Variants in CCDC30 observed in about 807,000 individuals in gnomAD.
CCDC30 encodes the protein coiled-coil domain-containing protein 30.
Under a neutral mutation model 100.2 loss-of-function variants are expected in CCDC30, and 70 were observed. The observed-to-expected ratio is 0.70, with a 90% CI of 0.58 to 0.85. The LOEUF (loss-of-function observed/expected upper bound fraction) is 0.85. CCDC30 is among the 40% of genes least tolerant of loss of function. The pLI is 0.00. For synonymous variants in CCDC30, 233 were observed against 269.5 expected, an observed-to-expected ratio of 0.86 and a Z score of 1.33; for missense variants, 652 against 771.2, an observed-to-expected ratio of 0.85 and a Z score of 1.83.
chr1:42,497,249 G>A (rs775692240), intron 5 of CCDC30, 36 bp downstream of exon 5: 5 of 1,134,794 alleles, frequency 4.4e-6, no homozygotes, highest in Non-Finnish European at 5.6e-6. Context: ...GTATTTAAAT[G>A]TGTCTACCAT....
chr1:42,548,234 G>C (rs1296125204), intron 6 of CCDC30, among the ~76,000 whole-genome samples: 6 of 152,204 alleles, frequency 3.9e-5, no homozygotes, highest in Non-Finnish European at 1.5e-5. Context: ...ACAGTGTTTG[G>C]TAGCGTGGAG....
chr1:42,515,373 A>G (rs1644539482), intron 6 of CCDC30, among the ~76,000 whole-genome samples: 1 of 152,170 alleles, frequency 6.6e-6, no homozygotes, highest in Non-Finnish European at 1.5e-5. Flanking sequence ...TTAAGACCCC[A>G]GTTTGTGGGA....
intron 6 of CCDC30, among the ~76,000 whole-genome samples, chr1:42,535,728 A>ATAT (rs1177599266): frequency 1.2e-4 from 13 of 109,522 alleles, no homozygotes; most frequent in Non-Finnish European, 1.8e-4. Flanking sequence ...TAAATTTTAA[A>ATAT]AAATTAAAAA....
intron 7 of CCDC30, among the ~76,000 whole-genome samples, chr1:42,569,884 C>T (rs1645695113): frequency 6.6e-6 from 1 of 152,186 alleles, no homozygotes; most frequent in Admixed American, 6.5e-5. Flanking sequence ...GAACAGAAAA[C>T]CAAACACTGC....
intron 10 of CCDC30, chr1:42,591,601 C>A (rs1296301544): frequency 6.6e-6 from 1 of 152,332 alleles, no homozygotes; most frequent in Non-Finnish European, 1.5e-5. Context: ...GCCACAGGGG[C>A]AGAGCCCTCA....
At chr1:42,557,052 T>C (rs1047578059) in intron 6 of CCDC30, among the ~76,000 whole-genome samples, 3 of 152,214 alleles carry the variant, frequency 2.0e-5, no homozygotes, top group African/African-American at 7.2e-5. Flanking sequence ...TTACAGGTTC[T>C]CTCTTACACA....
At chr1:42,615,934 T>G (rs1646719858) in intron 11 of CCDC30, among the ~76,000 whole-genome samples, 1 of 151,960 alleles carries the variant, frequency 6.6e-6, no homozygotes, top group African/African-American at 2.4e-5. Flanking sequence ...GTTTTTTTTT[T>G]AGATGGAGTC....
intron 11 of CCDC30, among the ~76,000 whole-genome samples, chr1:42,615,121 A>G (rs373778935): frequency 3.3e-5 from 5 of 152,280 alleles, no homozygotes; most frequent in African/African-American, 1.2e-4. Context: ...GTTTTTAAGG[A>G]TTTTGGATTG....
exon 16 of CCDC30, chr1:42,653,397 C>A (rs1345106734): frequency 6.2e-7 from 1 of 1,603,694 alleles, no homozygotes; most frequent in Non-Finnish European, 8.5e-7. Context: ...TAGTGACATC[C>A]TTGAATCCGA....
upstream of CCDC30, chr1:42,459,874 T>C (rs774498065): frequency 1.9e-6 from 3 of 1,613,936 alleles, no homozygotes; most frequent in South Asian, 1.1e-5. Context: ...GAAGAGAAGA[T>C]AGTGGATAAT....
chr1:42,573,443 T>A (rs543963133), intron 7 of CCDC30, among the ~76,000 whole-genome samples: 2 of 152,294 alleles, frequency 1.3e-5, no homozygotes, highest in Admixed American at 1.3e-4. Flanking sequence ...AAATATATAA[T>A]CATTTTCTAA....
At position 42,566,407 on chromosome 1, in the gene CCDC30, C is replaced by T. The variant is rs780702656; in HGVS notation, c.568C>T (p.Arg190Ter). 26 of 1,613,928 alleles carry T rather than the reference C, an allele frequency of 1.6e-5. No individual in the cohort carries two copies. Among genetic ancestry groups the T allele is most frequent in the Non-Finnish European group, 2.1e-5 (25 of 1,179,896 alleles). ...ATGCAACTCAGCTGAAAATGAGCTT[C>T]GATATGAACGAGGGCAGAACTTGGA... The change falls in exon 7 of 17, where the codon CGA becomes TGA. Residue 190 changes from arginine to a stop codon, truncating the protein, a stop_gained. Coordinates refer to ENST00000668663, the Ensembl canonical transcript of CCDC30. LOFTEE classifies it high-confidence loss of function.
intron 6 of CCDC30, among the ~76,000 whole-genome samples, chr1:42,555,604 T>C (rs1450391586): frequency 6.6e-6 from 1 of 152,242 alleles, no homozygotes; most frequent in Non-Finnish European, 1.5e-5. Flanking sequence ...TCATTTAAAC[T>C]GGCAGTTTGG....
chr1:42,478,409 C>A (rs919285148), intron 1 of CCDC30, among the ~76,000 whole-genome samples: 1 of 152,078 alleles, frequency 6.6e-6, no homozygotes, highest in Non-Finnish European at 1.5e-5. Flanking sequence ...ACTCTAATAC[C>A]AACTACTCAA....
At chr1:42,591,323 T>G (rs1438267533) in intron 10 of CCDC30, 1 of 152,238 alleles carries the variant, frequency 6.6e-6, no homozygotes, top group African/African-American at 2.4e-5. Context: ...AAGAATGGTT[T>G]AGGGGGCCAA....
chr1:42,471,069 A>G (rs980390300), intron 1 of CCDC30, among the ~76,000 whole-genome samples: 4 of 152,234 alleles, frequency 2.6e-5, no homozygotes, highest in African/African-American at 9.6e-5. Context: ...CAGGCTGTTG[A>G]TAAGGACTCA....
chr1:42,601,525 G>T (rs566153885), intron 10 of CCDC30, among the ~76,000 whole-genome samples: 7 of 152,284 alleles, frequency 4.6e-5, no homozygotes, highest in African/African-American at 1.7e-4. Context: ...CATAGCCAGG[G>T]CATCCCATTT....
At chr1:42,508,806 A>G (rs933041594) in intron 6 of CCDC30, among the ~76,000 whole-genome samples, 4 of 152,190 alleles carry the variant, frequency 2.6e-5, no homozygotes. Context: ...ATGGAGAAAA[A>G]TAGTTCAGTT....
At chr1:42,626,198 T>C (rs1646930415) in intron 11 of CCDC30, among the ~76,000 whole-genome samples, 1 of 152,206 alleles carries the variant, frequency 6.6e-6, no homozygotes, top group Admixed American at 6.5e-5. Flanking sequence ...GTTTCCATTG[T>C]CATGGAATAT....
Sources: allele counts gnomAD v4.1 joint callset (sites outside exome capture counted in the v4.1 genomes callset), GRCh38; gene constraint gnomAD v4.1.1; transcripts MANE v1.5; gene names NCBI Gene and HGNC (gene_info 2026-07-23, HGNC 2026-07-21).